PRKG1: variants seen among roughly 807,000 people sequenced by gnomAD.
The protein encoded by PRKG1 is protein kinase cGMP-dependent 1.
In PRKG1, 35 loss-of-function variants were observed where a neutral mutation model predicts 88.1. That is an observed-to-expected ratio of 0.40 (90% CI 0.30 to 0.53). The LOEUF is 0.53. Among genes scored for constraint, PRKG1 ranks in the 20% least tolerant of loss-of-function variants. The pLI is 0.59. For synonymous variants in PRKG1, 303 were observed against 292.5 expected (o/e 1.04, Z -0.37); for missense variants, 540 against 839.8 (o/e 0.64, Z 4.41).
At chr10:51,686,638 C>A (rs895331746) in intron 3 of PRKG1, among the ~76,000 whole-genome samples, 1 of 152,196 alleles carries the variant, frequency 6.6e-6, no homozygotes, top group African/African-American at 2.4e-5. Flanking sequence ...CATTTGTTTC[C>A]CCCATAGGCA....
At chr10:51,029,266 A>G (rs945101258) in intron 1 of PRKG1, among the ~76,000 whole-genome samples, 1 of 152,196 alleles carries the variant, frequency 6.6e-6, no homozygotes, top group African/African-American at 2.4e-5. Flanking sequence ...CAGTGTGATC[A>G]CACAGGTATT....
intron 8 of PRKG1, among the ~76,000 whole-genome samples, chr10:52,155,311 A>T (rs760470419): frequency 9.2e-5 from 14 of 152,142 alleles, no homozygotes; most frequent in Non-Finnish European, 1.6e-4. Context: ...CCATACCAAA[A>T]ATATGTATAT....
intron 5 of PRKG1, among the ~76,000 whole-genome samples, chr10:51,921,514 T>C (rs1374795414): frequency 2.6e-5 from 4 of 152,120 alleles, no homozygotes; most frequent in Non-Finnish European, 5.9e-5. Flanking sequence ...AAGCATCTAG[T>C]TTCTCACTGT....
chr10:52,150,149 A>AAATAGTAAT (rs1837863428), intron 8 of PRKG1, among the ~76,000 whole-genome samples: 1 of 82,400 alleles, frequency 1.2e-5, no homozygotes, highest in Admixed American at 1.3e-4. Flanking sequence ...CTCCATCTCA[A>AAATAGTAAT]AATAATAATA....
intron 2 of PRKG1, among the ~76,000 whole-genome samples, chr10:51,392,741 G>A (rs1837444906): frequency 7.0e-6 from 1 of 142,920 alleles, no homozygotes; most frequent in African/African-American, 2.5e-5. Context: ...CCCGGACGGG[G>A]CGGCTGGCCG....
intron 2 of PRKG1, among the ~76,000 whole-genome samples, chr10:51,238,760 CAA>C (rs755705869): frequency 3.5e-4 from 34 of 98,078 alleles, no homozygotes; most frequent in Admixed American, 7.8e-4. Context: ...GACTCTATCT[CAA>C]AAAAAAAAAA....
At chr10:51,886,660 G>T (rs4593962) in intron 4 of PRKG1, among the ~76,000 whole-genome samples, 1 of 152,168 alleles carries the variant, frequency 6.6e-6, no homozygotes, top group East Asian at 1.9e-4. Flanking sequence ...CATCTGGCTC[G>T]TTTTGCAGAT....
intron 3 of PRKG1, among the ~76,000 whole-genome samples, chr10:51,605,737 C>T (rs960016845): frequency 1.3e-5 from 2 of 152,132 alleles, no homozygotes; most frequent in Non-Finnish European, 2.9e-5. Flanking sequence ...ATCTTTTCAT[C>T]GTTTCCTTCA....
chr10:51,396,272 G>A (rs1478392473), intron 2 of PRKG1, among the ~76,000 whole-genome samples: 2 of 152,048 alleles, frequency 1.3e-5, no homozygotes, highest in South Asian at 4.2e-4. Flanking sequence ...GTGGTGACAT[G>A]TGCCTGTAGT....
chr10:51,806,675 C>A (rs1839315913), intron 4 of PRKG1, among the ~76,000 whole-genome samples: 1 of 152,164 alleles, frequency 6.6e-6, no homozygotes, highest in South Asian at 2.1e-4. Flanking sequence ...TAAATTACAA[C>A]TGTGACCAAC....
At position 51,107,610 on chromosome 10, in the gene PRKG1, G is replaced by A. The variant is rs1263466127; in HGVS notation, c.311+32709G>A. Among the ~76,000 whole-genome samples, 3 of 151,964 alleles carry A rather than the reference G, an allele frequency of 2.0e-5. No homozygotes were observed. In the East Asian group the frequency reaches 5.8e-4, roughly 29 times the overall value. ...CCAGCACTTTGGGAGGCCAAGGCAG[G>A]AGGGTCACCAGGAGTTTGAGAACAG... On this transcript the variant is annotated intron_variant, in intron 1 of 17. Coordinates refer to ENST00000373980, the MANE Select transcript of PRKG1 (RefSeq NM_006258.4).
intron 9 of PRKG1, among the ~76,000 whole-genome samples, chr10:52,239,656 TA>T (rs1418453177): frequency 6.6e-6 from 1 of 151,816 alleles, no homozygotes; most frequent in African/African-American, 2.4e-5. Context: ...CAACTAGATA[TA>T]TACAAGTGTA....
intron 3 of PRKG1, among the ~76,000 whole-genome samples, chr10:51,675,270 A>C (rs1840681445): frequency 2.0e-5 from 3 of 152,298 alleles, no homozygotes; most frequent in Admixed American, 2.0e-4. Context: ...TTGGGAAATG[A>C]CCAAAAAATG....
At chr10:52,004,219 T>C (rs1322487943) in intron 5 of PRKG1, among the ~76,000 whole-genome samples, 2 of 152,182 alleles carry the variant, frequency 1.3e-5, no homozygotes, top group East Asian at 1.9e-4. Context: ...GGATGGCAGG[T>C]ATTTTTGTTT....
At chr10:51,278,782 G>A (rs990213616) in intron 2 of PRKG1, among the ~76,000 whole-genome samples, 1 of 152,168 alleles carries the variant, frequency 6.6e-6, no homozygotes, top group African/African-American at 2.4e-5. Context: ...TTGTATTTCT[G>A]TGGGATCAGT....
chr10:51,795,389 A>T (rs900812214), intron 3 of PRKG1, among the ~76,000 whole-genome samples: 1 of 152,134 alleles, frequency 6.6e-6, no homozygotes, highest in African/African-American at 2.4e-5. Context: ...CATTGAAAGG[A>T]TAACTTTTCC....
intron 3 of PRKG1, among the ~76,000 whole-genome samples, chr10:51,754,000 A>C (rs1837793746): frequency 1.3e-5 from 2 of 151,942 alleles, no homozygotes; most frequent in South Asian, 4.2e-4. Flanking sequence ...CTCTAGGATC[A>C]CTGTAACATG....
chr10:51,986,615 G>T (rs1160217529), intron 5 of PRKG1, among the ~76,000 whole-genome samples: 1 of 152,180 alleles, frequency 6.6e-6, no homozygotes. Context: ...GCTGCACCCT[G>T]TGAAATCACC....
intron 3 of PRKG1, among the ~76,000 whole-genome samples, chr10:51,619,357 C>T (rs1024682878): frequency 1.5e-4 from 23 of 151,976 alleles, no homozygotes; most frequent in African/African-American, 5.6e-4. Context: ...ATTAGCAGGC[C>T]CATTTTGCTC....
Sources: allele counts gnomAD v4.1 joint callset (sites outside exome capture counted in the v4.1 genomes callset), GRCh38; gene constraint gnomAD v4.1.1; transcripts MANE v1.5; gene names NCBI Gene and HGNC (gene_info 2026-07-23, HGNC 2026-07-21).